Variants in STPG2 observed in about 807,000 individuals in gnomAD.
STPG2 encodes the protein sperm tail PG-rich repeat containing 2.
STPG2 carries 56 observed loss-of-function variants against 54.2 expected under a neutral mutation model. The ratio of observed to expected loss-of-function variants is 1.03; its 90% CI spans 0.83 to 1.29. The LOEUF (loss-of-function observed/expected upper bound fraction) is 1.29. Ranked by LOEUF, STPG2 falls within the 50% of genes most tolerant of loss-of-function variation. The pLI, the probability that STPG2 is intolerant of heterozygous loss-of-function variation, is 0.00. For missense variants in STPG2, 596 were observed against 544.9 expected (o/e 1.09, Z -0.93); for synonymous variants, 200 against 181.8 (o/e 1.10, Z -0.81).
intron 5 of STPG2, among the ~76,000 whole-genome samples, chr4:98,076,821 T>C (rs929138035): frequency 6.6e-6 from 1 of 152,176 alleles, no homozygotes; most frequent in Non-Finnish European, 1.5e-5. Context: ...CATTTTTAAC[T>C]AAAAAACAGT....
chr4:97,869,895 T>G (rs970633617), intron 8 of STPG2, among the ~76,000 whole-genome samples: 1 of 151,638 alleles, frequency 6.6e-6, no homozygotes, highest in African/African-American at 2.4e-5. Flanking sequence ...TAATATGACT[T>G]GCTTACATCA....
rs555820031 is a variant in STPG2, at chr4:97,561,898, G to A, written c.1321-2781C>T. 4.6e-5 allele frequency among the ~76,000 whole-genome samples: 7 copies of A among 152,162 alleles called. No homozygotes were observed. The South Asian group carries it at 1.5e-3, about 32-fold the overall frequency. Reference sequence around the variant, plus strand: ...GTGATGCCTCCAGCTTTGTTCTTTTGGCTTAGGATTGACTTGGCTATGCGG... The same window carrying A: ...GTGATGCCTCCAGCTTTGTTCTTTTAGCTTAGGATTGACTTGGCTATGCGG... On this transcript the variant is annotated intron_variant, in intron 10 of 10. Coordinates refer to ENST00000295268, the MANE Select transcript of STPG2 (RefSeq NM_174952.3).
rs768922361 is a variant in STPG2 at position 98,105,929 on chromosome 4, T to A, written c.612+24A>T. 3 of 1,528,124 alleles carry A rather than the reference T, an allele frequency of 2.0e-6. No homozygotes were observed. In the African/African-American group the frequency reaches 4.1e-5, roughly 21 times the overall value. The allele number at this position is 1,528,124 out of a possible 1,614,324, so 94.7% of individuals were successfully genotyped here. On this transcript the variant is annotated intron_variant, in intron 5 of 10. Coordinates refer to ENST00000295268, the MANE Select transcript of STPG2 (RefSeq NM_174952.3). Reference sequence around the variant, plus strand: ...ATGATCTTAAAATTGGGAAAATATATGCATTAGCCACTTTTCAACTTACCT... The same window carrying A: ...ATGATCTTAAAATTGGGAAAATATAAGCATTAGCCACTTTTCAACTTACCT...
intron 8 of STPG2, among the ~76,000 whole-genome samples, chr4:97,908,538 T>A (rs1263936113): frequency 6.6e-6 from 1 of 151,998 alleles, no homozygotes; most frequent in African/African-American, 2.4e-5. Context: ...GGATTATAAA[T>A]CATGCTGCTA....
chr4:97,904,166 G>C (rs10007663), intron 8 of STPG2, among the ~76,000 whole-genome samples: 56,691 of 152,024 alleles, frequency 0.37, 10,651 homozygotes, highest in Middle Eastern at 0.46. Context: ...AAAACAAAAA[G>C]ACAGCAGTAA....
intron 5 of STPG2, among the ~76,000 whole-genome samples, chr4:98,040,730 A>G (rs1736927914): frequency 6.6e-6 from 1 of 151,700 alleles, no homozygotes; most frequent in African/African-American, 2.4e-5. Flanking sequence ...TTGTATTAAG[A>G]CTATAATTCG....
chr4:97,847,766 C>T (rs1490956056), intron 8 of STPG2, among the ~76,000 whole-genome samples: 2 of 152,112 alleles, frequency 1.3e-5, no homozygotes. Context: ...TGTGTTCTTT[C>T]CTCATTGACT....
chr4:97,495,029 C>T (rs941453938), intron 4 of STPG2, among the ~76,000 whole-genome samples: 2 of 151,180 alleles, frequency 1.3e-5, no homozygotes, highest in African/African-American at 4.8e-5. Context: ...GACAGTGTTC[C>T]CATTAATCTC....
At chr4:97,775,445 TAAAAA>T (rs970625731) in intron 9 of STPG2, among the ~76,000 whole-genome samples, 22 of 152,124 alleles carry the variant, frequency 1.4e-4, no homozygotes, top group Admixed American at 8.5e-4. Flanking sequence ...AATAAATAAA[TAAAAA>T]TAAAATAAAA....
intron 5 of STPG2, among the ~76,000 whole-genome samples, chr4:98,041,696 G>A (rs1176399956): frequency 1.3e-5 from 2 of 151,902 alleles, no homozygotes; most frequent in Non-Finnish European, 2.9e-5. Flanking sequence ...CTTGATCGTG[G>A]TGTATTACAT....
chr4:98,126,387 G>A (rs1190799430), intron 3 of STPG2, among the ~76,000 whole-genome samples: 1 of 152,192 alleles, frequency 6.6e-6, no homozygotes, highest in East Asian at 1.9e-4. Flanking sequence ...GGGTGGTGTG[G>A]GCTCACGAGG....
At chr4:97,770,489 A>G (rs1206723721) in intron 9 of STPG2, among the ~76,000 whole-genome samples, 1 of 152,196 alleles carries the variant, frequency 6.6e-6, no homozygotes, top group Non-Finnish European at 1.5e-5. Flanking sequence ...TCAGAGAGGC[A>G]GCTGCAGGCT....
intron 5 of STPG2, among the ~76,000 whole-genome samples, chr4:98,090,139 A>G (rs1738643173): frequency 6.6e-6 from 1 of 152,136 alleles, no homozygotes; most frequent in Non-Finnish European, 1.5e-5. Flanking sequence ...CAATGTCTAA[A>G]GCAGTTTTTC....
intron 5 of STPG2, among the ~76,000 whole-genome samples, chr4:98,062,589 GATT>G (rs1389263925): frequency 6.6e-6 from 1 of 152,036 alleles, no homozygotes; most frequent in Non-Finnish European, 1.5e-5. Flanking sequence ...ACATATACAA[GATT>G]ATTTGGGAGA....
chr4:97,557,456 C>A (rs1209686490), downstream of STPG2, among the ~76,000 whole-genome samples: 3 of 152,084 alleles, frequency 2.0e-5, no homozygotes, highest in African/African-American at 7.2e-5. Context: ...ATGTAGCATA[C>A]AAAATAGTGA....
intron 9 of STPG2, among the ~76,000 whole-genome samples, chr4:97,741,056 C>A (rs1035424798): frequency 6.6e-6 from 1 of 152,108 alleles, no homozygotes; most frequent in Non-Finnish European, 1.5e-5. Flanking sequence ...AGAAAAAACA[C>A]CGCATATCTA....
rs1487375523 is a variant in STPG2, at chr4:97,462,515, TA to T, written c.462+250183del. On this transcript the variant is annotated intron_variant, in intron 4 of 4. Transcript: ENST00000522676. The stretch of plus-strand genomic sequence containing the variant: ...TCAATTTTTGGAAAACTAGCATCCA[TA>T]AAATATTGAATGTATAATCATAATA... 2.6e-5 allele frequency among the ~76,000 whole-genome samples: 4 copies of T among 152,204 alleles called. No homozygotes were observed. In the South Asian group the frequency reaches 6.2e-4, roughly 24 times the overall value.
intron 9 of STPG2, among the ~76,000 whole-genome samples, chr4:97,793,514 A>G (rs1035079168): frequency 1.3e-5 from 2 of 152,092 alleles, no homozygotes; most frequent in African/African-American, 4.8e-5. Context: ...CAATATGTAC[A>G]GCTTTGAATG....
intron 10 of STPG2, among the ~76,000 whole-genome samples, chr4:97,634,012 C>T (rs1441617859): frequency 6.6e-6 from 1 of 152,194 alleles, no homozygotes; most frequent in Non-Finnish European, 1.5e-5. Context: ...GGCCTGCGTG[C>T]CTCTCTAGGC....
Sources: gnomAD v4.1 joint callset for allele counts (sites outside exome capture counted in the v4.1 genomes callset) on GRCh38, gnomAD v4.1.1 for gene constraint, MANE v1.5 for transcripts, NCBI Gene and HGNC (gene_info 2026-07-23, HGNC 2026-07-21) for gene names.